SFPQ: variants seen among roughly 807,000 people sequenced by gnomAD.
SFPQ encodes the protein splicing factor, proline- and glutamine-rich.
Under a neutral mutation model 72.9 loss-of-function variants are expected in SFPQ, and 11 were observed. That is an observed-to-expected ratio of 0.15 (90% CI 0.09 to 0.25). The LOEUF (loss-of-function observed/expected upper bound fraction) is 0.25. SFPQ is among the 10% of genes least tolerant of loss of function. The pLI, the probability that SFPQ is intolerant of heterozygous loss-of-function variation, is 1.00. For missense variants in SFPQ, 847 were observed against 993.3 expected, an observed-to-expected ratio of 0.85 and a Z score of 1.98; for synonymous variants, 506 against 367.3, an observed-to-expected ratio of 1.38 and a Z score of -4.32.
At chr1:35,181,663 A>G, downstream of SFPQ, 2 of 1,060,620 alleles carry the variant, frequency 1.9e-6, no homozygotes, top group South Asian at 4.6e-5. Context: ...AAACAAAATT[A>G]TGAGAAAGTG....
At chr1:35,187,332 T>G (rs1317527587) in intron 7 of SFPQ, 81 bp from the exon 8 acceptor site, 5 of 1,288,852 alleles carry the variant, frequency 3.9e-6, no homozygotes, top group Middle Eastern at 1.9e-4. Context: ...TTTTCAAGAG[T>G]TAAATAAAAA....
chr1:35,191,542 G>A lies in SFPQ; in HGVS notation c.829-13C>T, dbSNP rs374354025. 5.0e-6 allele frequency: 8 copies of A among 1,600,192 alleles called. No homozygotes were observed. Among genetic ancestry groups the A allele is most frequent in the East Asian group, 2.2e-5 (1 of 44,804 alleles). On this transcript the variant is annotated splice_polypyrimidine_tract_variant and intron_variant, in intron 1 of 9. Coordinates refer to ENST00000357214, the MANE Select transcript of SFPQ (RefSeq NM_005066.3). ...TGGCTTTAAACCCCTAATGAAAAAG[G>A]AAAGAAGTTTTCAAACACCAGAGAC...
intron 9 of SFPQ, among the ~76,000 whole-genome samples, 181 bp downstream of exon 9, chr1:35,186,820 C>T (rs569416256): frequency 1.3e-5 from 2 of 152,296 alleles, no homozygotes; most frequent in Non-Finnish European, 2.9e-5. Flanking sequence ...GGTTACCACA[C>T]ACCGAGTTCT....
rs1640101051 is a variant in SFPQ, at chr1:35,192,784, G to A, written c.266C>T (p.Pro89Leu). Residue 89 changes from proline to leucine, a missense_variant, in exon 1 of 10, where the codon CCG becomes CTG. Pro to Leu is a moderately conservative substitution (Grantham distance 98). Transcript: ENST00000357214. ...CTGCTGCTGATGCGGCTGTGGATGCGGCGGCGGCTGATGCGGTGGCGGCTG... is the reference window on the plus strand; with the variant it reads ...CTGCTGCTGATGCGGCTGTGGATGCAGCGGCGGCTGATGCGGTGGCGGCTG... ...PQQPPPHQPPPHPQPHQQQQP... is the reference protein window; with the variant it reads ...PQQPPPHQPPLHPQPHQQQQP... 2 of 1,497,654 alleles carry A rather than the reference G, an allele frequency of 1.3e-6. No homozygotes were observed. The highest frequency in any genetic ancestry group is 2.5e-5 in the South Asian group (2 of 79,984). 92.8% of individuals were successfully genotyped at this position (1,497,654 alleles called of 1,614,324 possible). A position where few individuals can be genotyped will look rare whatever the true frequency, so the allele number is the denominator to read the frequency against.
At position 35,190,542 on chromosome 1, in the gene SFPQ, A is replaced by G. The variant is rs1276546656; in HGVS notation, c.1371T>C (p.Asp457=). Reference sequence around the variant, plus strand: ...TCTGGGCAAGTTTTTCAGGAAGACCATCTTCATCATCTAGTTGTTCAAGTG... The same window carrying G: ...TCTGGGCAAGTTTTTCAGGAAGACCGTCTTCATCATCTAGTTGTTCAAGTG... ...VEPLEQLDDE[D]GLPEKLAQKN... The change falls in exon 4 of 10, where the codon GAT becomes GAC. Residue 457 remains aspartate, a synonymous_variant. Transcript: ENST00000357214. 3.1e-6 allele frequency: 5 copies of G among 1,613,830 alleles called. No individual in the cohort carries two copies. The highest frequency in any genetic ancestry group is 4.2e-6 in the Non-Finnish European group (5 of 1,179,898).
downstream of SFPQ, chr1:35,179,612 T>C: frequency 9.5e-7 from 1 of 1,054,720 alleles, no homozygotes; most frequent in South Asian, 4.6e-5. Context: ...AATTCATTGC[T>C]ACATACAAAT....
Position 35,184,273 on chromosome 1 carries a change from C to G in SFPQ, c.*183G>C. 1 of 1,366,226 alleles carries G rather than the reference C, an allele frequency of 7.3e-7. No individual in the cohort carries two copies. The highest frequency in any genetic ancestry group is 9.4e-7 in the Non-Finnish European group (1 of 1,068,294). The allele number at this position is 1,366,226 out of a possible 1,614,324, so 84.6% of individuals were successfully genotyped here. A position where few individuals can be genotyped will look rare whatever the true frequency, so the allele number is the denominator to read the frequency against. On this transcript the variant is annotated 3_prime_UTR_variant, in exon 10 of 10. Transcript: ENST00000357214. The stretch of plus-strand genomic sequence containing the variant: ...AAGAAATAAAAAGGAAAAAAAAATT[C>G]TCCTGTTCCAAACACTGCATTACAT...
At position 35,183,023 on chromosome 1, in the gene SFPQ, C is replaced by G. The variant is rs185835547; in HGVS notation, c.*1433G>C. 1 of 1,035,684 alleles carries G rather than the reference C, an allele frequency of 9.7e-7. No individual in the cohort carries two copies. Among genetic ancestry groups the G allele is most frequent in the Non-Finnish European group, 1.2e-6 (1 of 860,658 alleles). 64.2% of individuals were successfully genotyped at this position (1,035,684 alleles called of 1,614,324 possible). ...CTCCAGATTTAGTGCTACATGAAAACGAAACTATGTGAAAACAAGTTAAAT... is the reference window on the plus strand; with the variant it reads ...CTCCAGATTTAGTGCTACATGAAAAGGAAACTATGTGAAAACAAGTTAAAT... On this transcript the variant is annotated 3_prime_UTR_variant, in exon 10 of 10. Coordinates refer to ENST00000357214, the MANE Select transcript of SFPQ (RefSeq NM_005066.3).
In SFPQ at chr1:35,192,689, C is replaced by G; in HGVS notation, c.361G>C (p.Val121Leu). 2 of 1,435,244 alleles carry G rather than the reference C, an allele frequency of 1.4e-6. No individual in the cohort carries two copies. The highest frequency in any genetic ancestry group is 1.8e-6 in the Non-Finnish European group (2 of 1,102,716). 88.9% of individuals were successfully genotyped at this position (1,435,244 alleles called of 1,614,324 possible). A position where few individuals can be genotyped will look rare whatever the true frequency, so the allele number is the denominator to read the frequency against. ...VAQGPGPAPGVGSAPPASSSA... is the reference protein window; with the variant it reads ...VAQGPGPAPGLGSAPPASSSA... ...CTGGAGGCTGGTGGTGCGCTGCCTA[C>G]TCCGGGAGCGGGGCCGGGTCCCTGA... Residue 121 changes from valine to leucine, a missense_variant, in exon 1 of 10, where the codon GTA (valine) becomes CTA (leucine). This residue lies in a region of SFPQ where 498 missense variants were observed against 405.1 expected (regional missense o/e 1.23). Transcript: ENST00000357214.
intron 6 of SFPQ, 68 bp downstream of exon 6, chr1:35,188,935 C>A: frequency 7.8e-7 from 1 of 1,286,428 alleles, no homozygotes; most frequent in Non-Finnish European, 1.1e-6. Flanking sequence ...CACTCCAGCC[C>A]GGGCAACAGA....
chr1:35,192,690 T>C lies in SFPQ; in HGVS notation c.360A>G (p.Gly120=). The part of the protein sequence containing the change: ...VVAQGPGPAP[G]VGSAPPASSS... ...TGGAGGCTGGTGGTGCGCTGCCTAC[T>C]CCGGGAGCGGGGCCGGGTCCCTGAG... The change falls in exon 1 of 10, where the codon GGA becomes GGG. Residue 120 remains glycine, a synonymous_variant. Transcript: ENST00000357214. 4 of 1,435,582 alleles carry C rather than the reference T, an allele frequency of 2.8e-6. No homozygotes were observed. Among genetic ancestry groups the C allele is most frequent in the East Asian group, 2.9e-5 (1 of 34,338 alleles). The allele number at this position is 1,435,582 out of a possible 1,614,324, so 88.9% of individuals were successfully genotyped here.
intron 7 of SFPQ, 52 bp downstream of exon 7, chr1:35,187,921 C>A: frequency 1.8e-6 from 2 of 1,089,680 alleles, no homozygotes; most frequent in Non-Finnish European, 2.8e-6. Flanking sequence ...CTTCTAGGTA[C>A]CTGCAAGTTC....
At position 35,192,956 on chromosome 1, in the gene SFPQ, G is replaced by C; in HGVS notation, c.94C>G (p.Arg32Gly). The change falls in exon 1 of 10, where the codon CGT becomes GGT. Residue 32 changes from arginine to glycine, a missense_variant. Coordinates refer to ENST00000357214, the MANE Select transcript of SFPQ (RefSeq NM_005066.3). Reference protein sequence around the residue: ...GGGRGGLHDFRSPPPGMGLNQ... With the variant: ...GGGRGGLHDFGSPPPGMGLNQ... ...AGGCCCATGCCGGGCGGCGGAGAAC[G>C]GAAGTCGTGGAGGCCGCCGCGGCCG... 6.3e-7 allele frequency: 1 copy of C among 1,584,264 alleles called. No homozygotes were observed. Among genetic ancestry groups the C allele is most frequent in the Non-Finnish European group, 8.5e-7 (1 of 1,173,682 alleles).
Position 35,189,447 on chromosome 1 carries a change from A to G in SFPQ, c.1416-65T>C, listed in dbSNP as rs544044297. Reference sequence around the variant, plus strand: ...ATGCATACCAGAAAATACTTGCCCTAGTACTGATCTTTTTCCTGTTCTATT... The same window carrying G: ...ATGCATACCAGAAAATACTTGCCCTGGTACTGATCTTTTTCCTGTTCTATT... On this transcript the variant is annotated intron_variant, in intron 4 of 9. Transcript: ENST00000357214. 3.4e-5 allele frequency: 43 copies of G among 1,266,646 alleles called. No individual in the cohort carries two copies. In the African/African-American group the frequency reaches 5.9e-4, roughly 17 times the overall value. 78.5% of individuals were successfully genotyped at this position (1,266,646 alleles called of 1,614,324 possible). A position where few individuals can be genotyped will look rare whatever the true frequency, so the allele number is the denominator to read the frequency against.
Position 35,192,445 on chromosome 1 carries a change from G to C in SFPQ, c.605C>G (p.Pro202Arg). The C allele has an allele frequency of 1.4e-6, 2 of 1,408,688 alleles. No homozygotes were observed. The highest frequency in any genetic ancestry group is 1.8e-6 in the Non-Finnish European group (2 of 1,090,292). 87.3% of individuals were successfully genotyped at this position (1,408,688 alleles called of 1,614,324 possible). ...PGPGPGPKQG[P>R]GPGGPKGGKM... is the part of the protein sequence containing the mutation. ...GCCGCCTTTGGGACCACCCGGACCT[G>C]GGCCCTGCTTAGGCCCTGGACCCGG... The change falls in exon 1 of 10, where the codon CCA (proline) becomes CGA (arginine). Residue 202 changes from proline (P) to arginine (R), a missense_variant. Pro to Arg is a moderately radical substitution (Grantham distance 103). Transcript: ENST00000357214.
At chr1:35,187,829 A>T in intron 7 of SFPQ, 144 bp downstream of exon 7, 1 of 657,546 alleles carries the variant, frequency 1.5e-6, no homozygotes, top group Non-Finnish European at 2.7e-6. Flanking sequence ...TCTGACCCAT[A>T]CAAGGAAATC....
In SFPQ at chr1:35,184,355, T is replaced by A; in HGVS notation, c.*101A>T. ...ATATTAGGTCAATAAACTGCTAACA[T>A]CCATAAAAAGATAGCTTTCTTACTA... On this transcript the variant is annotated 3_prime_UTR_variant, in exon 10 of 10. Transcript: ENST00000357214. 1 of 1,558,520 alleles carries A rather than the reference T, an allele frequency of 6.4e-7. No individual in the cohort carries two copies.
downstream of SFPQ, chr1:35,181,698 G>C (rs1639475503): frequency 1.9e-6 from 2 of 1,060,650 alleles, no homozygotes; most frequent in South Asian, 9.1e-5. Context: ...GGGACAAGTG[G>C]TTTCTTTAAA....
chr1:35,191,985 C>A (rs940649035), intron 1 of SFPQ, among the ~76,000 whole-genome samples: 1 of 152,124 alleles, frequency 6.6e-6, no homozygotes, highest in African/African-American at 2.4e-5. Flanking sequence ...ACCGCGGCCC[C>A]GCGCTTCCTT....
Sources: allele counts gnomAD v4.1 joint callset (sites outside exome capture counted in the v4.1 genomes callset), GRCh38; gene constraint gnomAD v4.1.1; regional missense constraint gnomAD v4.1.1; transcripts MANE v1.5; gene names NCBI Gene and HGNC (gene_info 2026-07-23, HGNC 2026-07-21).